The following SUGCT variants were observed in gnomAD, a reference collection of about 807,000 sequenced individuals.
The protein encoded by SUGCT is succinyl-CoA:glutarate-CoA transferase.
Under a neutral mutation model 55.0 loss-of-function variants are expected in SUGCT, and 41 were observed. The ratio of observed to expected loss-of-function variants is 0.74; its 90% confidence interval spans 0.58 to 0.97. The LOEUF is 0.97. Ranked by LOEUF, SUGCT falls within the 50% of genes least tolerant of loss-of-function variation. The pLI, the probability that SUGCT is intolerant of heterozygous loss-of-function variation, is 0.00. For missense variants in SUGCT, 568 were observed against 547.8 expected, an observed-to-expected ratio of 1.04 and a Z score of -0.37; for synonymous variants, 187 against 200.4, an observed-to-expected ratio of 0.93 and a Z score of 0.56.
chr7:40,187,247 G>C (rs1370542730), intron 3 of SUGCT, among the ~76,000 whole-genome samples: 3 of 152,086 alleles, frequency 2.0e-5, no homozygotes, highest in African/African-American at 7.2e-5. Context: ...AGAACACATG[G>C]ACACAGGAAG....
At chr7:40,135,780 C>G (rs528646728) in intron 1 of SUGCT, among the ~76,000 whole-genome samples, 1 of 151,990 alleles carries the variant, frequency 6.6e-6, no homozygotes, top group South Asian at 2.1e-4. Context: ...CTTCAGCCTT[C>G]CGAGTAGCTG....
At chr7:40,236,460 T>A (rs73131782) in intron 6 of SUGCT, among the ~76,000 whole-genome samples, 16,143 of 81,004 alleles carry the variant, frequency 0.2, 1,214 homozygotes, top group Middle Eastern at 0.3. Flanking sequence ...AAAAAAAAAA[T>A]TTGACACCTT....
intron 6 of SUGCT, among the ~76,000 whole-genome samples, chr7:40,198,707 CA>C (rs1786426091): frequency 1.4e-5 from 2 of 141,512 alleles, no homozygotes; most frequent in African/African-American, 5.8e-5. Flanking sequence ...ACTAAAAATA[CA>C]AAAATTAGCT....
the SUGCT span, among the ~76,000 whole-genome samples, chr7:41,015,654 T>C: frequency 6.6e-6 from 1 of 152,196 alleles, no homozygotes. Flanking sequence ...AGGCTATTTG[T>C]AGTCAACTGC....
intron 12 of SUGCT, among the ~76,000 whole-genome samples, chr7:40,685,259 T>G (rs1038695250): frequency 1.3e-5 from 2 of 152,110 alleles, no homozygotes; most frequent in South Asian, 2.1e-4. Flanking sequence ...TCTGCTGGAG[T>G]TGTAAAACTG....
chr7:40,522,600 T>C (rs1793596594), intron 12 of SUGCT, among the ~76,000 whole-genome samples: 1 of 152,112 alleles, frequency 6.6e-6, no homozygotes, highest in South Asian at 2.1e-4. Context: ...GAAATGTTAA[T>C]TTGGAGAAAA....
intron 10 of SUGCT, among the ~76,000 whole-genome samples, chr7:40,451,474 A>G (rs993362423): frequency 4.6e-5 from 7 of 152,214 alleles, no homozygotes; most frequent in African/African-American, 1.7e-4. Context: ...ATGGTGTGTT[A>G]TAAGACATTG....
At chr7:40,135,882 C>A (rs1036644933) in intron 1 of SUGCT, among the ~76,000 whole-genome samples, 1 of 152,154 alleles carries the variant, frequency 6.6e-6, no homozygotes, top group African/African-American at 2.4e-5. Flanking sequence ...GTCTCGAATT[C>A]CTGACCTCAA....
rs575413801 is a variant in SUGCT at position 40,390,160 on chromosome 7, A to G, written c.817-59127A>G. Among the ~76,000 whole-genome samples, 9 of 152,352 alleles carry G rather than the reference A, an allele frequency of 5.9e-5. No individual in the cohort carries two copies. The South Asian group carries it at 1.4e-3, about 25-fold the overall frequency. ...CAAAATAATATGAGCTATTTATGAC[A>G]AACCCACAGCCAATATCATACTGAA... On this transcript the variant is annotated intron_variant, in intron 9 of 13. Transcript: ENST00000335693.
At chr7:40,956,275 T>C in the SUGCT span, among the ~76,000 whole-genome samples, 2 of 152,190 alleles carry the variant, frequency 1.3e-5, no homozygotes, top group African/African-American at 4.8e-5. Flanking sequence ...TTTTGGTTGC[T>C]AGGCTATTAA....
At chr7:40,583,044 A>G (rs1187277625) in intron 12 of SUGCT, among the ~76,000 whole-genome samples, 1 of 152,200 alleles carries the variant, frequency 6.6e-6, no homozygotes, top group Non-Finnish European at 1.5e-5. Context: ...ACAGAACACA[A>G]AAACTAGCAG....
downstream of SUGCT, among the ~76,000 whole-genome samples, chr7:40,864,064 T>C (rs966035808): frequency 1.3e-5 from 2 of 152,136 alleles, no homozygotes; most frequent in African/African-American, 4.8e-5. Context: ...ATAGCAAAAC[T>C]AGGGTTAAAT....
chr7:40,786,129 T>G (rs968554021), intron 13 of SUGCT, among the ~76,000 whole-genome samples: 2 of 152,074 alleles, frequency 1.3e-5, no homozygotes, highest in African/African-American at 4.8e-5. Flanking sequence ...AGAAAAAATC[T>G]TAGCTTGCAT....
At chr7:40,713,910 G>A (rs1168740319) in intron 12 of SUGCT, among the ~76,000 whole-genome samples, 3 of 152,110 alleles carry the variant, frequency 2.0e-5, no homozygotes, top group African/African-American at 7.2e-5. Flanking sequence ...CCACATTAGG[G>A]GACATCATTT....
intron 13 of SUGCT, among the ~76,000 whole-genome samples, chr7:40,781,460 A>G (rs1171443359): frequency 6.6e-6 from 1 of 152,106 alleles, no homozygotes; most frequent in African/African-American, 2.4e-5. Flanking sequence ...GCTGCAGTGC[A>G]GGGAAGATAC....
chr7:40,405,638 T>C (rs1002761150), intron 9 of SUGCT, among the ~76,000 whole-genome samples: 24 of 151,916 alleles, frequency 1.6e-4, no homozygotes, highest in African/African-American at 5.8e-4. Flanking sequence ...GGCAAAACCC[T>C]GTCTCTACTA....
chr7:40,149,873 C>A (rs1168764004), intron 1 of SUGCT, among the ~76,000 whole-genome samples: 2 of 152,134 alleles, frequency 1.3e-5, no homozygotes, highest in South Asian at 2.1e-4. Flanking sequence ...GAGCTGAGAT[C>A]GCGCCATCGC....
the SUGCT span, among the ~76,000 whole-genome samples, chr7:40,896,894 T>C: frequency 1.4e-3 from 209 of 152,224 alleles, 2 homozygotes; most frequent in Non-Finnish European, 2.2e-3. Context: ...AGTCCTCAAA[T>C]AGTCAAAGCA....
downstream of SUGCT, among the ~76,000 whole-genome samples, chr7:40,862,147 C>T (rs1016078253): frequency 5.3e-5 from 8 of 152,132 alleles, no homozygotes; most frequent in African/African-American, 1.4e-4. Context: ...GCTAAACATA[C>T]GTAGGATGAT....
Sources: gnomAD v4.1 joint callset for allele counts (sites outside exome capture counted in the v4.1 genomes callset) on GRCh38, gnomAD v4.1.1 for gene constraint, MANE v1.5 for transcripts, NCBI Gene and HGNC (gene_info 2026-07-23, HGNC 2026-07-21) for gene names.